Variants in SND1 observed in about 807,000 individuals in gnomAD.
The protein encoded by SND1 is staphylococcal nuclease and tudor domain containing 1.
Under a neutral mutation model 121.7 loss-of-function variants are expected in SND1, and 38 were observed. That is an observed-to-expected ratio of 0.31 (90% confidence interval 0.24 to 0.41). The LOEUF (loss-of-function observed/expected upper bound fraction) is 0.41. Among genes scored for constraint, SND1 ranks in the 10% least tolerant of loss-of-function variants. SND1 has a pLI of 1.00. For synonymous variants in SND1, 401 were observed against 447.4 expected (o/e 0.90, Z 1.31); for missense variants, 868 against 1,184.6 (o/e 0.73, Z 3.92).
At chr7:127,835,849 A>G (rs182485017) in intron 11 of SND1, among the ~76,000 whole-genome samples, 1 of 152,240 alleles carries the variant, frequency 6.6e-6, no homozygotes, top group East Asian at 1.9e-4. Flanking sequence ...TGATGTTTAT[A>G]TGTGCCTATT....
At chr7:127,761,870 G>A (rs1191529246) in intron 10 of SND1, among the ~76,000 whole-genome samples, 2 of 152,076 alleles carry the variant, frequency 1.3e-5, no homozygotes, top group Non-Finnish European at 2.9e-5. Context: ...CTTCTACATT[G>A]GTACATTTTT....
In SND1 at chr7:127,927,001, A is replaced by G. The variant is rs538605012; in HGVS notation, c.1528-2187A>G. On this transcript the variant is annotated intron_variant, in intron 14 of 23. Transcript: ENST00000354725. ...CTGGAATAGAGCTGTTGAGTTGTGC[A>G]TTGAGACTTAGGAGGAGTCAGGAAC... is the stretch of plus-strand genomic sequence containing the variant. 7.9e-5 allele frequency among the ~76,000 whole-genome samples: 12 copies of G among 152,254 alleles called. No homozygotes were observed. In the South Asian group the frequency reaches 2.3e-3, roughly 29 times the overall value.
intron 16 of SND1, chr7:128,028,579 T>C: frequency 9.0e-7 from 1 of 1,108,888 alleles, no homozygotes; most frequent in Non-Finnish European, 1.3e-6. Context: ...AGACTTAATA[T>C]ATAAGCATAT....
chr7:127,996,441 C>T lies in SND1; in HGVS notation c.1779+5385C>T, dbSNP rs190192452. Among the ~76,000 whole-genome samples, 11 of 152,324 alleles carry T rather than the reference C, an allele frequency of 7.2e-5. No individual in the cohort carries two copies. In the East Asian group the frequency reaches 2.1e-3, roughly 29 times the overall value. On this transcript the variant is annotated intron_variant, in intron 16 of 23. Coordinates refer to ENST00000354725, the MANE Select transcript of SND1 (RefSeq NM_014390.4). ...TCCTTTCCCTACATCACCCCACAAG[C>T]GCTGTGGTGTATGCTCTCTTAGCCC...
chr7:127,720,324 C>T (rs1055810055), intron 9 of SND1, among the ~76,000 whole-genome samples: 2 of 151,944 alleles, frequency 1.3e-5, no homozygotes, highest in African/African-American at 4.8e-5. Flanking sequence ...TAGAAGAGTT[C>T]GATTTTGATT....
intron 11 of SND1, among the ~76,000 whole-genome samples, chr7:127,823,873 T>G (rs1798596280): frequency 6.6e-6 from 1 of 152,216 alleles, no homozygotes; most frequent in South Asian, 2.1e-4. Flanking sequence ...TCTAATCCCA[T>G]AGGTAGCATA....
intron 10 of SND1, among the ~76,000 whole-genome samples, chr7:127,758,004 A>G (rs1314766763): frequency 6.6e-6 from 1 of 152,224 alleles, no homozygotes; most frequent in Non-Finnish European, 1.5e-5. Flanking sequence ...ATATAACTGT[A>G]AGCAATCGCT....
chr7:127,852,502 A>G (rs533260172), intron 12 of SND1, among the ~76,000 whole-genome samples: 83 of 150,632 alleles, frequency 5.5e-4, no homozygotes, highest in African/African-American at 1.6e-3. Flanking sequence ...AAAAAAAAAA[A>G]AAAAAGAAAA....
intron 16 of SND1, among the ~76,000 whole-genome samples, chr7:128,053,797 T>C (rs751602861): frequency 1.3e-5 from 2 of 152,138 alleles, no homozygotes; most frequent in Non-Finnish European, 2.9e-5. Flanking sequence ...CTGGTATTGC[T>C]TCCCTGGAGA....
At chr7:127,919,920 A>G (rs1179577415) in intron 14 of SND1, among the ~76,000 whole-genome samples, 1 of 152,224 alleles carries the variant, frequency 6.6e-6, no homozygotes, top group Non-Finnish European at 1.5e-5. Flanking sequence ...GCTGAAAATA[A>G]TTGGAAGGTA....
intron 10 of SND1, among the ~76,000 whole-genome samples, chr7:127,781,803 T>TC (rs1563011352): frequency 6.6e-6 from 1 of 152,210 alleles, no homozygotes; most frequent in Non-Finnish European, 1.5e-5. Context: ...ATGAAAATGT[T>TC]CCAAAGCATG....
chr7:127,724,446 G>A (rs943136419), intron 10 of SND1, among the ~76,000 whole-genome samples: 3 of 152,188 alleles, frequency 2.0e-5, no homozygotes, highest in Non-Finnish European at 2.9e-5. Context: ...TGTGTGGTAC[G>A]AAACCACAGG....
intron 8 of SND1, among the ~76,000 whole-genome samples, chr7:127,705,929 G>A (rs543180104): frequency 4.7e-4 from 71 of 152,240 alleles, no homozygotes; most frequent in Non-Finnish European, 8.4e-4. Flanking sequence ...CATTTCTTAG[G>A]TCTTTTTCAT....
chr7:128,064,847 G>A (rs905098101), intron 16 of SND1, among the ~76,000 whole-genome samples: 24 of 152,292 alleles, frequency 1.6e-4, no homozygotes, highest in African/African-American at 5.5e-4. Context: ...GTTTCCAAAA[G>A]GAAAGGGGGT....
chr7:127,755,073 A>T (rs1377797714), intron 10 of SND1, among the ~76,000 whole-genome samples: 1 of 152,234 alleles, frequency 6.6e-6, no homozygotes, highest in Non-Finnish European at 1.5e-5. Flanking sequence ...AACATTTGGC[A>T]TATGATCTTC....
chr7:127,830,442 A>G (rs1435817733), intron 11 of SND1, among the ~76,000 whole-genome samples: 1 of 152,066 alleles, frequency 6.6e-6, no homozygotes, highest in Non-Finnish European at 1.5e-5. Context: ...TTATAATTGC[A>G]CCTTTGAAGA....
At chr7:127,686,479 C>A in intron 1 of SND1, 134 bp from the exon 2 acceptor site, 1 of 888,148 alleles carries the variant, frequency 1.1e-6, no homozygotes, top group South Asian at 2.0e-5. Flanking sequence ...TTTATTTAGT[C>A]ATTCAACAGA....
intron 12 of SND1, among the ~76,000 whole-genome samples, chr7:127,882,887 C>T (rs535297782): frequency 6.6e-6 from 1 of 152,228 alleles, no homozygotes; most frequent in South Asian, 2.1e-4. Flanking sequence ...CATGTCTGGC[C>T]TGAATGGATA....
intron 10 of SND1, among the ~76,000 whole-genome samples, chr7:127,722,222 A>G (rs1052884787): frequency 2.6e-5 from 4 of 152,184 alleles, no homozygotes; most frequent in African/African-American, 9.7e-5. Context: ...AGTGAGAGCC[A>G]GCGCCAAAGG....
Sources: allele counts gnomAD v4.1 joint callset (sites outside exome capture counted in the v4.1 genomes callset), GRCh38; gene constraint gnomAD v4.1.1; transcripts MANE v1.5; gene names NCBI Gene and HGNC (gene_info 2026-07-23, HGNC 2026-07-21).